Variants in TRIM44 observed in about 807,000 individuals in gnomAD.
TRIM44 encodes tripartite motif-containing protein 44.
In TRIM44, 13 loss-of-function variants were observed where a neutral mutation model predicts 37.4. The ratio of observed to expected loss-of-function variants is 0.35; its 90% CI spans 0.23 to 0.55. TRIM44 has a LOEUF of 0.55. TRIM44 is among the 20% of genes least tolerant of loss of function. TRIM44 has a pLI of 0.89. For synonymous variants in TRIM44, 175 were observed against 157.2 expected (o/e 1.11, Z -0.85); for missense variants, 426 against 437.2 (o/e 0.97, Z 0.23).
chr11:35,698,190 G>C (rs1284892162), intron 2 of TRIM44, among the ~76,000 whole-genome samples: 2 of 145,950 alleles, frequency 1.4e-5, no homozygotes, highest in East Asian at 4.2e-4. Flanking sequence ...TATCATTGTT[G>C]GACATTTGGG....
chr11:35,766,327 G>A (rs1028125252), intron 4 of TRIM44, among the ~76,000 whole-genome samples: 7 of 152,104 alleles, frequency 4.6e-5, no homozygotes, highest in South Asian at 2.1e-4. Flanking sequence ...AAAAGTATGC[G>A]TGTGTTGGGG....
At chr11:35,735,103 G>T (rs1423568044) in intron 3 of TRIM44, among the ~76,000 whole-genome samples, 2 of 152,114 alleles carry the variant, frequency 1.3e-5, no homozygotes, top group Non-Finnish European at 1.5e-5. Flanking sequence ...CTCTATTTTG[G>T]GTTTCTCACT....
At chr11:35,771,210 A>G (rs966203517) in intron 4 of TRIM44, among the ~76,000 whole-genome samples, 1 of 152,202 alleles carries the variant, frequency 6.6e-6, no homozygotes, top group Non-Finnish European at 1.5e-5. Context: ...GATATGAACA[A>G]TAAGGTCCAG....
At chr11:35,711,658 A>C (rs1435796400) in intron 2 of TRIM44, among the ~76,000 whole-genome samples, 3 of 152,050 alleles carry the variant, frequency 2.0e-5, no homozygotes, top group Non-Finnish European at 4.4e-5. Flanking sequence ...TGGGAGACTG[A>C]GGTGGGAGGA....
intron 4 of TRIM44, among the ~76,000 whole-genome samples, chr11:35,802,345 C>T (rs1388464088): frequency 2.6e-5 from 4 of 152,130 alleles, no homozygotes; most frequent in Admixed American, 2.6e-4. Flanking sequence ...CATAGGACTC[C>T]TCTAAGGGAG....
At chr11:35,803,272 TA>T (rs35125638) in intron 4 of TRIM44, among the ~76,000 whole-genome samples, 40,248 of 142,268 alleles carry the variant, frequency 0.28, 5,723 homozygotes, top group Middle Eastern at 0.43. Flanking sequence ...TTAGTTTATT[TA>T]AAAAAAAAAA....
chr11:35,669,476 A>ATT (rs751042385), intron 1 of TRIM44, among the ~76,000 whole-genome samples: 73 of 151,486 alleles, frequency 4.8e-4, no homozygotes, highest in Middle Eastern at 6.8e-3. Flanking sequence ...TTATTTATTT[A>ATT]TTTATTTATT....
chr11:35,764,560 T>C (rs1412259321), intron 4 of TRIM44, among the ~76,000 whole-genome samples: 1 of 152,164 alleles, frequency 6.6e-6, no homozygotes. Flanking sequence ...TCTTCCTGTT[T>C]GAAATTGGAG....
chr11:35,757,222 T>C (rs928370736), intron 4 of TRIM44, among the ~76,000 whole-genome samples: 1 of 152,220 alleles, frequency 6.6e-6, no homozygotes, highest in Non-Finnish European at 1.5e-5. Flanking sequence ...CTTCCTGGTT[T>C]AGTCTTGGGA....
intron 4 of TRIM44, among the ~76,000 whole-genome samples, chr11:35,764,670 G>GTA (rs929364625): frequency 3.3e-5 from 5 of 152,142 alleles, no homozygotes; most frequent in African/African-American, 1.2e-4. Context: ...AGCTTTGCCA[G>GTA]TAGGAGAGTA....
At chr11:35,669,158 G>A (rs1345624769) in intron 1 of TRIM44, among the ~76,000 whole-genome samples, 1 of 152,144 alleles carries the variant, frequency 6.6e-6, no homozygotes, top group Non-Finnish European at 1.5e-5. Context: ...AATCTTGCAT[G>A]AAGCTGCATA....
chr11:35,817,617 T>C lies in TRIM44; in HGVS notation c.*11232T>C, dbSNP rs1853594480. The C allele has an allele frequency of 6.6e-6, 1 of 152,214 alleles. No individual in the cohort carries two copies. The highest frequency in any genetic ancestry group is 2.4e-5 in the African/African-American group (1 of 41,440). 9.4% of individuals were successfully genotyped at this position (152,214 alleles called of 1,614,324 possible). On this transcript the variant is annotated 3_prime_UTR_variant, in exon 5 of 5. Coordinates refer to ENST00000299413, the MANE Select transcript of TRIM44 (RefSeq NM_017583.6). Reference sequence around the variant, plus strand: ...AAGCTGAATCCATATGTAGACTTCATGGAGACTAGTACTGCTCCAAATGTG... The same window carrying C: ...AAGCTGAATCCATATGTAGACTTCACGGAGACTAGTACTGCTCCAAATGTG...
At chr11:35,792,077 ACACACACACAC>A (rs1171167513) in intron 4 of TRIM44, among the ~76,000 whole-genome samples, 1 of 14,262 alleles carries the variant, frequency 7.0e-5, no homozygotes, top group African/African-American at 8.1e-5. Flanking sequence ...GCCCCTACAC[ACACACACACAC>A]ACACACACAC....
At chr11:35,779,012 G>C (rs1447746773) in intron 4 of TRIM44, among the ~76,000 whole-genome samples, 4 of 152,190 alleles carry the variant, frequency 2.6e-5, no homozygotes. Flanking sequence ...TGTTTCTGCT[G>C]CCTTTTGTTC....
At chr11:35,793,739 T>C (rs983786213) in intron 4 of TRIM44, among the ~76,000 whole-genome samples, 2 of 152,120 alleles carry the variant, frequency 1.3e-5, no homozygotes, top group African/African-American at 4.8e-5. Context: ...AGCCCCCTCA[T>C]GTGCTCCCTT....
chr11:35,747,872 G>A (rs184932483), intron 4 of TRIM44, among the ~76,000 whole-genome samples: 6 of 151,646 alleles, frequency 4.0e-5, no homozygotes, highest in Non-Finnish European at 7.4e-5. Context: ...ATAATTAACT[G>A]GGGGGTACGG....
chr11:35,796,143 A>T (rs1853283996), intron 4 of TRIM44, among the ~76,000 whole-genome samples: 2 of 152,192 alleles, frequency 1.3e-5, no homozygotes, highest in South Asian at 4.1e-4. Flanking sequence ...GGGTTGGTAT[A>T]CTTCCAACTT....
At chr11:35,691,836 G>A (rs113945279) in intron 2 of TRIM44, among the ~76,000 whole-genome samples, 7,084 of 152,136 alleles carry the variant, frequency 0.047, 550 homozygotes, top group African/African-American at 0.16. Flanking sequence ...TAGTAGAGAC[G>A]GGGTTTCACT....
At chr11:35,751,293 A>G (rs1171943415) in intron 4 of TRIM44, among the ~76,000 whole-genome samples, 1 of 152,234 alleles carries the variant, frequency 6.6e-6, no homozygotes, top group African/African-American at 2.4e-5. Flanking sequence ...TATGTTGGGA[A>G]GAACCAAGAA....
Sources: gnomAD v4.1 joint callset for allele counts (sites outside exome capture counted in the v4.1 genomes callset) on GRCh38, gnomAD v4.1.1 for gene constraint, MANE v1.5 for transcripts, NCBI Gene and HGNC (gene_info 2026-07-23, HGNC 2026-07-21) for gene names.